The following POLR3B variants were observed in gnomAD, a reference collection of about 807,000 sequenced individuals.
The protein encoded by POLR3B is RNA polymerase III subunit B.
Under a neutral mutation model 147.4 loss-of-function variants are expected in POLR3B, and 96 were observed. The ratio of observed to expected loss-of-function variants is 0.65; its 90% confidence interval spans 0.55 to 0.77. The LOEUF (loss-of-function observed/expected upper bound fraction) is 0.77. POLR3B is among the 30% of genes least tolerant of loss of function. POLR3B has a pLI of 0.00. For synonymous variants in POLR3B, 461 were observed against 485.9 expected, an observed-to-expected ratio of 0.95 and a Z score of 0.67; for missense variants, 1,036 against 1,413.5, an observed-to-expected ratio of 0.73 and a Z score of 4.28.
At chr12:106,422,358 G>A (rs1250287894) in intron 12 of POLR3B, among the ~76,000 whole-genome samples, 1 of 152,106 alleles carries the variant, frequency 6.6e-6, no homozygotes, top group Non-Finnish European at 1.5e-5. Flanking sequence ...AGTTTCCTGA[G>A]GCCTCCCCAG....
chr12:106,394,381 T>C (rs2036954515), intron 10 of POLR3B, among the ~76,000 whole-genome samples: 1 of 152,212 alleles, frequency 6.6e-6, no homozygotes, highest in African/African-American at 2.4e-5. Context: ...TGTTGTACAC[T>C]AAAGTTACAT....
intron 12 of POLR3B, among the ~76,000 whole-genome samples, chr12:106,423,129 A>G (rs562082014): frequency 2.0e-5 from 3 of 152,316 alleles, no homozygotes; most frequent in South Asian, 4.1e-4. Context: ...TAACTGCCAT[A>G]TATCCATCAC....
chr12:106,373,719 A>G (rs1192818739), intron 6 of POLR3B, among the ~76,000 whole-genome samples: 3 of 151,762 alleles, frequency 2.0e-5, no homozygotes, highest in Non-Finnish European at 4.4e-5. Flanking sequence ...GTGCCACTGT[A>G]CTCCAGCCTG....
In POLR3B at chr12:106,504,495, T is replaced by A. The variant is rs2038655171; in HGVS notation, c.3272+241T>A. Among the ~76,000 whole-genome samples, 1 of 152,182 alleles carries A rather than the reference T, an allele frequency of 6.6e-6. No individual in the cohort carries two copies. Among genetic ancestry groups the A allele is most frequent in the Non-Finnish European group, 1.5e-5 (1 of 68,028 alleles). ...GCTCCCAAGGAGTACAAACTTTACC[T>A]CCTTTTAAATATTCTCTCAGGTACT... On this transcript the variant is annotated intron_variant, in intron 27 of 27. Coordinates refer to ENST00000228347, the MANE Select transcript of POLR3B (RefSeq NM_018082.6). The surrounding 1 kb of genome is among the most constrained non-coding windows in gnomAD (Gnocchi z 4.6).
intron 9 of POLR3B, among the ~76,000 whole-genome samples, chr12:106,389,783 A>G (rs1056605800): frequency 2.6e-5 from 4 of 152,146 alleles, no homozygotes; most frequent in African/African-American, 9.7e-5. Context: ...AGTGCCAGCT[A>G]CTTTAGAGGG....
intron 12 of POLR3B, among the ~76,000 whole-genome samples, chr12:106,418,519 G>A (rs937241409): frequency 4.6e-5 from 7 of 152,270 alleles, no homozygotes; most frequent in African/African-American, 1.4e-4. Flanking sequence ...ATCTCAAGAC[G>A]CCTAATTAGA....
chr12:106,386,767 C>T (rs1184118241), intron 9 of POLR3B, among the ~76,000 whole-genome samples: 5 of 151,930 alleles, frequency 3.3e-5, no homozygotes, highest in Admixed American at 2.6e-4. Context: ...ATTAGCTGGG[C>T]ATGGTGGCAG....
intron 6 of POLR3B, among the ~76,000 whole-genome samples, chr12:106,375,495 ACT>A (rs990963402): frequency 6.6e-5 from 10 of 151,650 alleles, no homozygotes; most frequent in Non-Finnish European, 1.3e-4. Context: ...TGACTCTTAA[ACT>A]CTCTTTCATA....
intron 23 of POLR3B, among the ~76,000 whole-genome samples, chr12:106,467,026 T>G (rs923607397): frequency 1.3e-5 from 2 of 152,242 alleles, no homozygotes; most frequent in African/African-American, 4.8e-5. Context: ...GCATTGAATC[T>G]ATAAATTACT....
chr12:106,366,690 T>G lies in POLR3B; in HGVS notation c.195T>G (p.Val65=). 1 of 1,613,908 alleles carries G rather than the reference T, an allele frequency of 6.2e-7. No homozygotes were observed. The highest frequency in any genetic ancestry group is 8.5e-7 in the Non-Finnish European group (1 of 1,179,798). The change falls in exon 4 of 28, where the codon GTT becomes GTG. Residue 65 remains valine, a synonymous_variant. Transcript: ENST00000228347. ...AGATAATGAAAGCCAATGAAAAGGT[T>G]ACAAGTGACGCTGACCCTATGTGGT... The part of the protein sequence containing the change: ...IKKIMKANEK[V]TSDADPMWYL...
chr12:106,398,292 C>A (rs1452251033), intron 10 of POLR3B, among the ~76,000 whole-genome samples: 1 of 151,922 alleles, frequency 6.6e-6, no homozygotes, highest in Non-Finnish European at 1.5e-5. Flanking sequence ...GGGAGGGGCG[C>A]CCACCATTGC....
chr12:106,421,871 T>G (rs1466048927), intron 12 of POLR3B, among the ~76,000 whole-genome samples: 1 of 151,982 alleles, frequency 6.6e-6, no homozygotes, highest in Non-Finnish European at 1.5e-5. Flanking sequence ...AGCTAATTTT[T>G]GTATTTTTAG....
intron 23 of POLR3B, among the ~76,000 whole-genome samples, chr12:106,470,155 ACT>A (rs2038070325): frequency 2.0e-5 from 3 of 149,054 alleles, no homozygotes; most frequent in South Asian, 4.3e-4. Context: ...ATTTCTTTTC[ACT>A]CTTTTTTCTC....
At chr12:106,494,266 G>A (rs1293146740) in intron 23 of POLR3B, among the ~76,000 whole-genome samples, 1 of 152,124 alleles carries the variant, frequency 6.6e-6, no homozygotes, top group Non-Finnish European at 1.5e-5. Context: ...ATATAAGTAT[G>A]TCATGCTTCC....
intron 13 of POLR3B, among the ~76,000 whole-genome samples, chr12:106,428,373 A>C (rs888518768): frequency 1.3e-5 from 2 of 152,214 alleles, no homozygotes; most frequent in African/African-American, 4.8e-5. Flanking sequence ...AATCAGTAGC[A>C]GGCCTAGTTA....
At chr12:106,471,983 G>A (rs2038099168) in intron 23 of POLR3B, among the ~76,000 whole-genome samples, 2 of 146,708 alleles carry the variant, frequency 1.4e-5, no homozygotes, top group African/African-American at 5.2e-5. Flanking sequence ...TCTAGCATTA[G>A]GTATATCTCC....
chr12:106,357,992 C>T, intron 1 of POLR3B, 41 bp downstream of exon 1: 1 of 1,605,500 alleles, frequency 6.2e-7, no homozygotes, highest in Non-Finnish European at 8.5e-7. Flanking sequence ...GACAAGGATG[C>T]GCCCTGAGGG....
At chr12:106,435,132 AT>A (rs71072676) in intron 16 of POLR3B, among the ~76,000 whole-genome samples, 34,810 of 144,980 alleles carry the variant, frequency 0.24, 5,074 homozygotes, top group East Asian at 0.7. Flanking sequence ...CCATTAAATT[AT>A]TTTTTTTTTT....
intron 19 of POLR3B, among the ~76,000 whole-genome samples, chr12:106,447,097 A>G (rs1008919368): frequency 2.6e-5 from 4 of 152,220 alleles, no homozygotes; most frequent in African/African-American, 9.6e-5. Flanking sequence ...ATTTAAATTC[A>G]GAGCTTCTAT....
Sources: allele counts gnomAD v4.1 joint callset (sites outside exome capture counted in the v4.1 genomes callset), GRCh38; gene constraint gnomAD v4.1.1; non-coding constraint Gnocchi (gnomAD v3.1); transcripts MANE v1.5; gene names NCBI Gene and HGNC (gene_info 2026-07-23, HGNC 2026-07-21).